CNTNAP2: variants seen among roughly 807,000 people sequenced by gnomAD.
The protein encoded by CNTNAP2 is contactin-associated protein-like 2.
CNTNAP2 carries 98 observed loss-of-function variants against 155.2 expected under a neutral mutation model. That is an observed-to-expected ratio of 0.63 (90% CI 0.54 to 0.75). CNTNAP2 has a LOEUF of 0.75. Among genes scored for constraint, CNTNAP2 ranks in the 30% least tolerant of loss-of-function variants. CNTNAP2 has a pLI of 0.00. For synonymous variants in CNTNAP2, 651 were observed against 631.2 expected, an observed-to-expected ratio of 1.03 and a Z score of -0.47; for missense variants, 1,727 against 1,688.1, an observed-to-expected ratio of 1.02 and a Z score of -0.40.
At chr7:146,730,939 T>G (rs1325243212) in intron 1 of CNTNAP2, among the ~76,000 whole-genome samples, 1 of 152,168 alleles carries the variant, frequency 6.6e-6, no homozygotes, top group Non-Finnish European at 1.5e-5. Flanking sequence ...AAAGGAACCT[T>G]CTATCCACAG....
chr7:148,335,512 C>G (rs796725879), intron 21 of CNTNAP2, among the ~76,000 whole-genome samples: 2 of 152,330 alleles, frequency 1.3e-5, no homozygotes, highest in African/African-American at 4.8e-5. Flanking sequence ...AGACAAGAGA[C>G]TCCCAGACAC....
chr7:148,283,262 AG>A (rs1797010580), intron 21 of CNTNAP2, among the ~76,000 whole-genome samples: 6 of 67,430 alleles, frequency 8.9e-5, no homozygotes, highest in African/African-American at 4.2e-4. Context: ...AAAAAAAGAA[AG>A]AAAGAAAGAA....
chr7:146,132,572 C>A (rs560222308), intron 1 of CNTNAP2, among the ~76,000 whole-genome samples: 9 of 117,620 alleles, frequency 7.7e-5, no homozygotes, highest in Non-Finnish European at 1.4e-4. Flanking sequence ...CCCCTCCCCC[C>A]ACCCCACAAC....
intron 10 of CNTNAP2, among the ~76,000 whole-genome samples, chr7:147,464,644 T>G (rs760838127): frequency 3.9e-5 from 6 of 152,044 alleles, no homozygotes; most frequent in Non-Finnish European, 8.8e-5. Context: ...AGCTCTAAAT[T>G]TTACCACTCC....
At chr7:148,210,272 C>G (rs1016177264) in intron 18 of CNTNAP2, among the ~76,000 whole-genome samples, 1 of 152,218 alleles carries the variant, frequency 6.6e-6, no homozygotes, top group Non-Finnish European at 1.5e-5. Context: ...CCACACTAAT[C>G]CTTTATTATA....
intron 15 of CNTNAP2, among the ~76,000 whole-genome samples, chr7:148,011,901 C>G (rs1007886242): frequency 3.3e-5 from 5 of 152,156 alleles, no homozygotes; most frequent in Non-Finnish European, 7.3e-5. Flanking sequence ...GAAGATGTAG[C>G]CTTCAGGGGC....
At position 146,319,876 on chromosome 7, in the gene CNTNAP2, C is replaced by T. The variant is rs1800970968; in HGVS notation, c.97+202903C>T. On this transcript the variant is annotated intron_variant, in intron 1 of 23. Transcript: ENST00000361727. The stretch of plus-strand genomic sequence containing the variant: ...GCTGACTAATATGTCCCTTGAGTGA[C>T]ACCACAGTTCTGCTACATGAAGGGA... Among the ~76,000 whole-genome samples, 4 of 152,180 alleles carry T rather than the reference C, an allele frequency of 2.6e-5. No individual in the cohort carries two copies. The South Asian group carries it at 8.3e-4, about 32-fold the overall frequency.
intron 3 of CNTNAP2, among the ~76,000 whole-genome samples, chr7:146,961,925 T>C (rs984113183): frequency 6.6e-6 from 1 of 152,162 alleles, no homozygotes; most frequent in Non-Finnish European, 1.5e-5. Context: ...TTGGAGTGAC[T>C]AATGAGCTGC....
chr7:146,600,812 T>C (rs1798939595), intron 1 of CNTNAP2, among the ~76,000 whole-genome samples: 1 of 152,172 alleles, frequency 6.6e-6, no homozygotes, highest in Non-Finnish European at 1.5e-5. Context: ...ATATAATAGC[T>C]GGTCAGTAAA....
chr7:147,224,127 T>TG (rs779326087), intron 8 of CNTNAP2, among the ~76,000 whole-genome samples: 143 of 152,214 alleles, frequency 9.4e-4, no homozygotes, highest in Admixed American at 3.0e-3. Context: ...CTCTTTAATC[T>TG]GGGGGGCAGC....
chr7:147,604,035 T>C (rs1043746313), intron 12 of CNTNAP2, among the ~76,000 whole-genome samples: 5 of 152,130 alleles, frequency 3.3e-5, no homozygotes, highest in South Asian at 4.1e-4. Context: ...GAAGCTGAAA[T>C]TGGATCCCTT....
intron 13 of CNTNAP2, among the ~76,000 whole-genome samples, chr7:147,748,851 G>A (rs144665311): frequency 6.6e-6 from 1 of 152,228 alleles, no homozygotes; most frequent in African/African-American, 2.4e-5. Context: ...AGGGGGAATA[G>A]GGAAAGGTGC....
chr7:147,272,064 T>A (rs1168775421), intron 8 of CNTNAP2, among the ~76,000 whole-genome samples: 1 of 152,100 alleles, frequency 6.6e-6, no homozygotes, highest in East Asian at 1.9e-4. Flanking sequence ...AGTTAATTTT[T>A]ATATTTTTAG....
intron 8 of CNTNAP2, among the ~76,000 whole-genome samples, chr7:147,198,327 G>A (rs1469283756): frequency 7.0e-6 from 1 of 143,078 alleles, no homozygotes; most frequent in Non-Finnish European, 1.5e-5. Context: ...TGCCACCCAG[G>A]TTCCAGCAAT....
chr7:146,849,079 C>A (rs1544591), intron 3 of CNTNAP2, among the ~76,000 whole-genome samples: 43,689 of 151,900 alleles, frequency 0.29, 6,314 homozygotes, highest in African/African-American at 0.33. Flanking sequence ...CTGCACCCAG[C>A]AAAAAGCTGA....
At chr7:147,312,600 T>C (rs1235655076) in intron 9 of CNTNAP2, among the ~76,000 whole-genome samples, 1 of 111,094 alleles carries the variant, frequency 9.0e-6, no homozygotes, top group African/African-American at 4.3e-5. Flanking sequence ...CTCATCATTT[T>C]TTATGGCTGC....
intron 3 of CNTNAP2, among the ~76,000 whole-genome samples, chr7:147,004,212 C>CAAAAAAAAAAAAAA (rs71525979): frequency 4.1e-5 from 4 of 97,714 alleles, no homozygotes; most frequent in African/African-American, 7.4e-5. Flanking sequence ...ACTCATATAC[C>CAAAAAAAAAAAAAA]AAAAAAAAAA....
intron 4 of CNTNAP2, among the ~76,000 whole-genome samples, chr7:147,052,503 C>T (rs1799491514): frequency 6.6e-6 from 1 of 151,928 alleles, no homozygotes; most frequent in Non-Finnish European, 1.5e-5. Context: ...TTGAACAGTG[C>T]TCTAAGGGGC....
intron 18 of CNTNAP2, among the ~76,000 whole-genome samples, chr7:148,182,108 T>C (rs1795048806): frequency 6.6e-6 from 1 of 152,124 alleles, no homozygotes; most frequent in Non-Finnish European, 1.5e-5. Flanking sequence ...AGCTGAATTT[T>C]TTTTCCTGAG....
Sources: gnomAD v4.1 joint callset for allele counts (sites outside exome capture counted in the v4.1 genomes callset) on GRCh38, gnomAD v4.1.1 for gene constraint, MANE v1.5 for transcripts, NCBI Gene and HGNC (gene_info 2026-07-23, HGNC 2026-07-21) for gene names.